The following ATXN1 variants were observed in gnomAD, a reference collection of about 807,000 sequenced individuals.
ATXN1 encodes the protein ataxin-1.
Under a neutral mutation model 56.4 loss-of-function variants are expected in ATXN1, and 8 were observed. That is an observed-to-expected ratio of 0.14 (90% confidence interval 0.08 to 0.26). ATXN1 has a LOEUF of 0.26. Among genes scored for constraint, ATXN1 ranks in the 10% least tolerant of loss-of-function variants. ATXN1 has a pLI of 1.00. For synonymous variants in ATXN1, 514 were observed against 494.6 expected (o/e 1.04, Z -0.52); for missense variants, 987 against 1,106.5 (o/e 0.89, Z 1.53).
chr6:16,438,172 T>C (rs1395283413), intron 6 of ATXN1, among the ~76,000 whole-genome samples: 1 of 152,224 alleles, frequency 6.6e-6, no homozygotes. Flanking sequence ...TTAGGCTGGC[T>C]GAGCTGGCTA....
intron 6 of ATXN1, among the ~76,000 whole-genome samples, chr6:16,439,534 AGTAGTGGTTG>A (rs1442256234): frequency 2.0e-5 from 3 of 151,916 alleles, no homozygotes; most frequent in Admixed American, 6.6e-5. Flanking sequence ...TTGATGAATT[AGTAGTGGTTG>A]GTTTCATACT....
At chr6:16,759,571 CTT>C (rs900613996) in intron 1 of ATXN1, among the ~76,000 whole-genome samples, 2 of 109,230 alleles carry the variant, frequency 1.8e-5, no homozygotes, top group African/African-American at 7.1e-5. Context: ...CCTTACTACT[CTT>C]CAGCAATTTC....
chr6:16,339,441 G>A (rs1761194749), intron 6 of ATXN1, among the ~76,000 whole-genome samples: 1 of 152,128 alleles, frequency 6.6e-6, no homozygotes, highest in Non-Finnish European at 1.5e-5. Flanking sequence ...TCACACACTG[G>A]CTTACCTTCT....
chr6:16,445,506 TTTC>T (rs1233224291), intron 6 of ATXN1, among the ~76,000 whole-genome samples: 1 of 152,030 alleles, frequency 6.6e-6, no homozygotes, highest in Non-Finnish European at 1.5e-5. Context: ...GTGTTTGATA[TTTC>T]TTTTTTTTTT....
intron 2 of ATXN1, among the ~76,000 whole-genome samples, chr6:16,684,916 G>A (rs1467179917): frequency 6.6e-6 from 1 of 151,254 alleles, no homozygotes; most frequent in Non-Finnish European, 1.5e-5. Flanking sequence ...AGAGTGATAA[G>A]AGACTTCACG....
At chr6:16,626,877 GGCCATCT>G (rs1763416415) in intron 3 of ATXN1, among the ~76,000 whole-genome samples, 1 of 152,182 alleles carries the variant, frequency 6.6e-6, no homozygotes, top group Non-Finnish European at 1.5e-5. Context: ...GGGGGAAGAT[GGCCATCT>G]GCAAGCCAAG....
At chr6:16,315,367 A>T (rs1398465665) in intron 7 of ATXN1, among the ~76,000 whole-genome samples, 1 of 152,246 alleles carries the variant, frequency 6.6e-6, no homozygotes, top group East Asian at 1.9e-4. Flanking sequence ...ACCTAGAATG[A>T]TACTATTTTT....
At chr6:16,504,151 TC>T (rs1760937446) in intron 5 of ATXN1, among the ~76,000 whole-genome samples, 1 of 152,178 alleles carries the variant, frequency 6.6e-6, no homozygotes, top group African/African-American at 2.4e-5. Context: ...TCAATGAAAC[TC>T]CTGCCTACTA....
intron 5 of ATXN1, among the ~76,000 whole-genome samples, chr6:16,488,279 C>A (rs1760590914): frequency 6.6e-6 from 1 of 152,152 alleles, no homozygotes; most frequent in African/African-American, 2.4e-5. Context: ...AAACCCTCCC[C>A]CAAAAAGGAC....
chr6:16,406,354 C>T (rs1390177413), intron 6 of ATXN1, among the ~76,000 whole-genome samples: 2 of 152,126 alleles, frequency 1.3e-5, no homozygotes, highest in African/African-American at 4.8e-5. Flanking sequence ...TCACAGCCAA[C>T]CAATAATTGA....
intron 2 of ATXN1, among the ~76,000 whole-genome samples, chr6:16,678,215 C>T (rs913146482): frequency 3.9e-5 from 6 of 152,242 alleles, no homozygotes; most frequent in Admixed American, 2.0e-4. Flanking sequence ...TTAGGATTTC[C>T]GTTGACTATC....
At chr6:16,613,711 C>T (rs1425668665) in intron 3 of ATXN1, among the ~76,000 whole-genome samples, 1 of 152,064 alleles carries the variant, frequency 6.6e-6, no homozygotes, top group Non-Finnish European at 1.5e-5. Context: ...CACCTGCAGT[C>T]CCAGCTACTT....
In ATXN1 at chr6:16,517,393, C is replaced by T. The variant is rs78772864; in HGVS notation, c.-299+5234G>A. ...GTCCCCAGTTTCCTTTCCCACAAAA[C>T]GAGTTTAAAATGTATCTTGTAAGGT... On this transcript the variant is annotated intron_variant, in intron 5 of 7. Coordinates refer to ENST00000436367, the MANE Select transcript of ATXN1 (RefSeq NM_001128164.2). Among the ~76,000 whole-genome samples the T allele has an allele frequency of 2.8e-3, 430 of 152,256 alleles. 1 individual carries two copies. Among genetic ancestry groups the T allele is most frequent in the African/African-American group, 9.3e-3 (386 of 41,542 alleles).
At chr6:16,607,219 T>A (rs1278595244) in intron 3 of ATXN1, among the ~76,000 whole-genome samples, 1 of 152,112 alleles carries the variant, frequency 6.6e-6, no homozygotes, top group African/African-American at 2.4e-5. Context: ...AACTAGTCCT[T>A]TGTGGCCTTG....
chr6:16,654,541 TAAAAAAAAAAA>T (rs1212773515), intron 3 of ATXN1, among the ~76,000 whole-genome samples: 2 of 122,538 alleles, frequency 1.6e-5, no homozygotes, highest in Non-Finnish European at 3.3e-5. Flanking sequence ...GACTCTGCCT[TAAAAAAAAAAA>T]AAAAAAAAAA....
In ATXN1 at chr6:16,327,922, A is replaced by G. The variant is rs746993452; in HGVS notation, c.389T>C (p.Ile130Thr). The part of the protein sequence containing the change: ...YAHLPHTFQF[I>T]GSSQYSGTYA... Reference sequence around the variant, plus strand: ...GGTTCCACTGTATTGGGAGGACCCAATGAACTGGAAGGTGTGCGGCAGGTG... The same window carrying G: ...GGTTCCACTGTATTGGGAGGACCCAGTGAACTGGAAGGTGTGCGGCAGGTG... Residue 130 changes from isoleucine (I) to threonine (T), a missense_variant, in exon 7 of 8, where the codon ATT (isoleucine) becomes ACT (threonine). Physicochemically the swap from Ile to Thr is moderately conservative, Grantham distance 89. This residue lies in a region of ATXN1 where 723 missense variants were observed against 791.7 expected (regional missense o/e 0.91). Transcript: ENST00000436367. 5.6e-6 allele frequency: 9 copies of G among 1,610,582 alleles called. No homozygotes were observed. Among genetic ancestry groups the G allele is most frequent in the African/African-American group, 2.7e-5 (2 of 74,894 alleles).
chr6:16,324,382 T>TCAAGGC (rs1346095956), intron 7 of ATXN1, among the ~76,000 whole-genome samples: 3 of 151,522 alleles, frequency 2.0e-5, no homozygotes, highest in Non-Finnish European at 4.4e-5. Context: ...GCCTAGGAGG[T>TCAAGGC]CAAGGCCACA....
At chr6:16,547,713 C>T (rs531580866) in intron 4 of ATXN1, among the ~76,000 whole-genome samples, 2 of 152,118 alleles carry the variant, frequency 1.3e-5, no homozygotes, top group Non-Finnish European at 2.9e-5. Context: ...TGGCTTTGGG[C>T]AGCATAACTC....
intron 5 of ATXN1, among the ~76,000 whole-genome samples, chr6:16,501,010 T>C (rs1265070987): frequency 1.3e-5 from 2 of 152,228 alleles, no homozygotes; most frequent in African/African-American, 4.8e-5. Context: ...TAAAATGTAT[T>C]ATTAATGATG....
Sources: gnomAD v4.1 joint callset for allele counts (sites outside exome capture counted in the v4.1 genomes callset) on GRCh38, gnomAD v4.1.1 for gene constraint, gnomAD v4.1.1 regional missense constraint, MANE v1.5 for transcripts, NCBI Gene and HGNC (gene_info 2026-07-23, HGNC 2026-07-21) for gene names.